The following KCNH1 variants were observed in gnomAD, a reference collection of about 807,000 sequenced individuals.
KCNH1 encodes the protein voltage-gated delayed rectifier potassium channel KCNH1.
A neutral mutation model predicts 69.2 loss-of-function variants in KCNH1; 27 were observed. The ratio of observed to expected loss-of-function variants is 0.39; its 90% CI spans 0.29 to 0.54. The LOEUF is 0.54. KCNH1 is among the 20% of genes least tolerant of loss of function. KCNH1 has a pLI of 0.68. For missense variants in KCNH1, 798 were observed against 1,261.6 expected, an observed-to-expected ratio of 0.63 and a Z score of 5.57; for synonymous variants, 456 against 487.7, an observed-to-expected ratio of 0.93 and a Z score of 0.86.
chr1:210,815,948 G>A (rs1430873654), intron 7 of KCNH1, among the ~76,000 whole-genome samples: 1 of 152,170 alleles, frequency 6.6e-6, no homozygotes, highest in African/African-American at 2.4e-5. Context: ...CAAAAGCAAA[G>A]TGGTATATTT....
At chr1:210,917,272 A>AAAGAAAGG (rs1558524866) in intron 7 of KCNH1, among the ~76,000 whole-genome samples, 11 of 149,334 alleles carry the variant, frequency 7.4e-5, no homozygotes, top group African/African-American at 2.8e-4. Context: ...AGAAAGAAAG[A>AAAGAAAGG]AAGAAAGAAA....
At chr1:210,973,901 A>T (rs1688556342) in intron 6 of KCNH1, among the ~76,000 whole-genome samples, 1 of 152,170 alleles carries the variant, frequency 6.6e-6, no homozygotes, top group Admixed American at 6.6e-5. Flanking sequence ...AATTATTTCA[A>T]ATGAATATTT....
chr1:210,790,763 C>T (rs1684197322), intron 9 of KCNH1, among the ~76,000 whole-genome samples: 1 of 152,164 alleles, frequency 6.6e-6, no homozygotes, highest in South Asian at 2.1e-4. Context: ...ACCTACCAGC[C>T]TCCTGGTCTC....
chr1:211,044,268 C>A (rs1256296845), intron 5 of KCNH1, among the ~76,000 whole-genome samples: 1 of 152,150 alleles, frequency 6.6e-6, no homozygotes, highest in African/African-American at 2.4e-5. Context: ...TTAATGTACA[C>A]AAATCAGTAG....
At chr1:210,755,535 T>A (rs1267232940) in intron 10 of KCNH1, among the ~76,000 whole-genome samples, 4 of 152,240 alleles carry the variant, frequency 2.6e-5, no homozygotes, top group Admixed American at 2.6e-4. Context: ...CTGGGAAAAC[T>A]GGATTTGGCA....
intron 9 of KCNH1, among the ~76,000 whole-genome samples, chr1:210,788,898 G>A (rs1052284470): frequency 1.3e-5 from 2 of 150,692 alleles, no homozygotes; most frequent in East Asian, 3.9e-4. Context: ...GGGTTTCACC[G>A]TTTTAGCCGG....
intron 6 of KCNH1, among the ~76,000 whole-genome samples, chr1:211,000,153 T>C (rs2102399238): frequency 6.6e-6 from 1 of 152,300 alleles, no homozygotes; most frequent in African/African-American, 2.4e-5. Context: ...GTGTTGGAAG[T>C]TGTGGCCAGG....
At chr1:210,953,675 G>A (rs536985103) in intron 6 of KCNH1, among the ~76,000 whole-genome samples, 26 of 152,150 alleles carry the variant, frequency 1.7e-4, no homozygotes, top group Non-Finnish European at 2.9e-4. Flanking sequence ...ATCGAATCCC[G>A]TCGTTTCCTG....
chr1:210,793,102 G>T (rs1054222017), intron 9 of KCNH1, among the ~76,000 whole-genome samples: 3 of 152,148 alleles, frequency 2.0e-5, no homozygotes, highest in African/African-American at 7.2e-5. Flanking sequence ...AAGAAGCCAA[G>T]AAACTAGATT....
At chr1:210,852,393 C>T (rs1685725037) in intron 7 of KCNH1, among the ~76,000 whole-genome samples, 1 of 152,254 alleles carries the variant, frequency 6.6e-6, no homozygotes, top group Admixed American at 6.5e-5. Context: ...AGCTGCAGTG[C>T]TGTGCCTAGC....
chr1:210,798,185 G>A (rs539841990), intron 8 of KCNH1, among the ~76,000 whole-genome samples: 18 of 150,298 alleles, frequency 1.2e-4, no homozygotes, highest in African/African-American at 3.7e-4. Context: ...GACTACAGGC[G>A]CCCACCACCA....
chr1:210,973,827 G>T (rs1688554676), intron 6 of KCNH1, among the ~76,000 whole-genome samples: 1 of 152,116 alleles, frequency 6.6e-6, no homozygotes. Context: ...ATTGTTTACA[G>T]TGTTACATAT....
At chr1:211,019,307 A>G in intron 5 of KCNH1, 51 bp from the exon 6 acceptor site, 1 of 1,189,408 alleles carries the variant, frequency 8.4e-7, no homozygotes, top group Non-Finnish European at 1.2e-6. Context: ...TTTAATTGCA[A>G]GTATCTAACC....
At position 210,975,301 on chromosome 1, in the gene KCNH1, A is replaced by C. The variant is rs112035453; in HGVS notation, c.1032+43482T>G. Among the ~76,000 whole-genome samples, 849 of 152,300 alleles carry C rather than the reference A, an allele frequency of 5.6e-3. 11 individuals carry two copies. The highest frequency in any genetic ancestry group is 0.019 in the African/African-American group (806 of 41,570). ...CAGCTCCTGGATTCAGATAATCCTAAGCCAAAAGAACAAAGCTGGAGGCAT... is the reference window on the plus strand; with the variant it reads ...CAGCTCCTGGATTCAGATAATCCTACGCCAAAAGAACAAAGCTGGAGGCAT... On this transcript the variant is annotated intron_variant, in intron 6 of 10. Coordinates refer to ENST00000271751, the MANE Select transcript of KCNH1 (RefSeq NM_172362.3).
chr1:210,962,501 T>A (rs1177586278), intron 6 of KCNH1, among the ~76,000 whole-genome samples: 1 of 152,148 alleles, frequency 6.6e-6, no homozygotes, highest in African/African-American at 2.4e-5. Context: ...ACACACTATA[T>A]GTTATGCAAT....
chr1:210,802,751 G>T (rs1361377646), intron 8 of KCNH1, among the ~76,000 whole-genome samples: 6 of 152,092 alleles, frequency 3.9e-5, no homozygotes, highest in African/African-American at 1.4e-4. Context: ...ATGCCTAATT[G>T]ATGTTCTGGT....
chr1:210,984,918 C>CT (rs1308726081), intron 6 of KCNH1, among the ~76,000 whole-genome samples: 1 of 152,046 alleles, frequency 6.6e-6, no homozygotes, highest in Non-Finnish European at 1.5e-5. Context: ...TGGTCGTGGA[C>CT]TTTTTTTGGT....
intron 7 of KCNH1, among the ~76,000 whole-genome samples, chr1:210,887,464 T>C (rs1481967770): frequency 6.6e-5 from 10 of 151,918 alleles, no homozygotes; most frequent in African/African-American, 2.2e-4. Context: ...GGACCATAGA[T>C]ACTATGAAAA....
chr1:210,989,539 A>G (rs1455899292), intron 6 of KCNH1, among the ~76,000 whole-genome samples: 1 of 152,252 alleles, frequency 6.6e-6, no homozygotes, highest in Non-Finnish European at 1.5e-5. Flanking sequence ...CTAAAGAGCC[A>G]TAAACCTGAT....
Sources: gnomAD v4.1 joint callset for allele counts (sites outside exome capture counted in the v4.1 genomes callset) on GRCh38, gnomAD v4.1.1 for gene constraint, MANE v1.5 for transcripts, NCBI Gene and HGNC (gene_info 2026-07-23, HGNC 2026-07-21) for gene names.